The following DNAH11 variants were observed in gnomAD, a reference collection of about 807,000 sequenced individuals.
The protein encoded by DNAH11 is dynein axonemal heavy chain 11.
DNAH11 carries 442 observed loss-of-function variants against 526.0 expected under a neutral mutation model. The ratio of observed to expected loss-of-function variants is 0.84; its 90% CI spans 0.78 to 0.91. DNAH11 has a LOEUF of 0.91. DNAH11 is among the 40% of genes least tolerant of loss of function. The pLI, the probability that DNAH11 is intolerant of heterozygous loss-of-function variation, is 0.00. For missense variants in DNAH11, 6,989 were observed against 5,448.7 expected (o/e 1.28, Z -8.90); for synonymous variants, 2,461 against 1,935.9 (o/e 1.27, Z -7.12).
At chr7:21,694,339 T>G (rs1264960790) in intron 35 of DNAH11, among the ~76,000 whole-genome samples, 3 of 152,136 alleles carry the variant, frequency 2.0e-5, no homozygotes, top group African/African-American at 7.2e-5. Context: ...CCTAATGATC[T>G]CCCTCCTCTT....
rs1465584153 is a variant in DNAH11 at position 21,704,523 on chromosome 7, T to G, written c.6363T>G (p.Phe2121Leu). ...TTCTGGGCCTGGTCGGTGACCTGTT[T>G]CCAGCCCTGGATGTGCCCCGGAGGA... ...PVFLGLVGDL[F>L]PALDVPRRRK... The change falls in exon 38 of 82, where the codon TTT (phenylalanine) becomes TTG (leucine). Residue 2121 changes from phenylalanine (F) to leucine (L), a missense_variant. Phe to Leu is a conservative substitution (Grantham distance 22, BLOSUM62 0). Transcript: ENST00000409508. 3 of 1,613,782 alleles carry G rather than the reference T, an allele frequency of 1.9e-6. No homozygotes were observed. The highest frequency in any genetic ancestry group is 2.7e-5 in the African/African-American group (2 of 74,926).
In DNAH11 at chr7:21,619,151, C is replaced by G. The variant is rs183489539; in HGVS notation, c.4306C>G (p.Arg1436Gly). 2 of 1,613,452 alleles carry G rather than the reference C, an allele frequency of 1.2e-6. No homozygotes were observed. The highest frequency in any genetic ancestry group is 4.5e-5 in the East Asian group (2 of 44,866). Residue 1436 changes from arginine (R) to glycine (G), a missense_variant, in exon 24 of 82, where the codon CGG becomes GGG. Physicochemically the swap from Arg to Gly is moderately radical, Grantham distance 125. Coordinates refer to ENST00000409508, the MANE Select transcript of DNAH11 (RefSeq NM_001277115.2). ...AACTTTGGCAGATTTGTTAGCACTGCGGTTACACAGAGTGGAAGATGATGT... is the reference window on the plus strand; with the variant it reads ...AACTTTGGCAGATTTGTTAGCACTGGGGTTACACAGAGTGGAAGATGATGT... ...ATTLADLLALRLHRVEDDVRR... is the reference protein window; with the variant it reads ...ATTLADLLALGLHRVEDDVRR...
At chr7:21,655,499 C>G (rs527460182) in intron 28 of DNAH11, among the ~76,000 whole-genome samples, 2 of 152,248 alleles carry the variant, frequency 1.3e-5, no homozygotes, top group African/African-American at 4.8e-5. Flanking sequence ...TAAAACTTTA[C>G]TACAGAAGCC....
intron 55 of DNAH11, among the ~76,000 whole-genome samples, chr7:21,771,756 C>T (rs1787441981): frequency 6.6e-6 from 1 of 152,094 alleles, no homozygotes; most frequent in Admixed American, 6.5e-5. Context: ...ATATTCTCCC[C>T]TCACGTCTCT....
chr7:21,568,425 A>G (rs751280464), intron 6 of DNAH11, among the ~76,000 whole-genome samples: 37 of 152,296 alleles, frequency 2.4e-4, no homozygotes, highest in Non-Finnish European at 4.4e-4. Context: ...AGCTAAGGAA[A>G]TAGATCCTCT....
intron 25 of DNAH11, among the ~76,000 whole-genome samples, chr7:21,635,345 A>T (rs1786811382): frequency 6.6e-6 from 1 of 152,106 alleles, no homozygotes; most frequent in South Asian, 2.1e-4. Context: ...TTTAGTAGAG[A>T]CGGGGTTTTA....
At chr7:21,603,306 G>A (rs1039210098) in intron 18 of DNAH11, among the ~76,000 whole-genome samples, 3 of 152,066 alleles carry the variant, frequency 2.0e-5, no homozygotes, top group African/African-American at 4.8e-5. Flanking sequence ...TTATCCACTC[G>A]TCTGTCAATG....
intron 45 of DNAH11, among the ~76,000 whole-genome samples, chr7:21,730,960 A>G (rs894555417): frequency 3.3e-5 from 5 of 152,196 alleles, no homozygotes; most frequent in Non-Finnish European, 5.9e-5. Flanking sequence ...CCTGGCCAAC[A>G]TGGCGAAACC....
At chr7:21,782,285 C>T (rs973382130) in intron 57 of DNAH11, among the ~76,000 whole-genome samples, 1 of 152,190 alleles carries the variant, frequency 6.6e-6, no homozygotes, top group Admixed American at 6.5e-5. Flanking sequence ...GGGGAAAGCA[C>T]ACTCTCTAGG....
chr7:21,564,262 A>T lies in DNAH11; in HGVS notation c.1059A>T (p.Glu353Asp). The T allele has an allele frequency of 1.9e-6, 3 of 1,613,720 alleles. No homozygotes were observed. The highest frequency in any genetic ancestry group is 1.7e-4 in the Middle Eastern group (1 of 6,052). Residue 353 changes from glutamate to aspartate, a missense_variant, in exon 6 of 82, where the codon GAA becomes GAT. Glu to Asp is a conservative substitution (Grantham distance 45). Coordinates refer to ENST00000409508, the MANE Select transcript of DNAH11 (RefSeq NM_001277115.2). ...ACATCCAGTGTCTCCAGGAGACGGA[A>T]TTCCCACAGACACGCATATTAATCG... ...RRHIQCLQET[E>D]FPQTRILIAP...
At chr7:21,629,804 G>A (rs935914576) in intron 25 of DNAH11, among the ~76,000 whole-genome samples, 13 of 151,936 alleles carry the variant, frequency 8.6e-5, no homozygotes, top group African/African-American at 2.9e-4. Context: ...TTCAGTCTGT[G>A]TGTGTCTTTA....
chr7:21,787,627 G>A, intron 60 of DNAH11, 44 bp downstream of exon 60: 3 of 1,480,488 alleles, frequency 2.0e-6, no homozygotes, highest in Non-Finnish European at 2.7e-6. Flanking sequence ...CTCCACAAAG[G>A]GCTGCAAACA....
In DNAH11 at chr7:21,739,629, A is replaced by G; in HGVS notation, c.7870A>G (p.Met2624Val). ...EIHNCQYVAC[M>V]NPMVGSFTIN... ...CCATAACTGCCAGTATGTCGCCTGC[A>G]TGAATCCGATGGTGGGCAGCTTCAC... Residue 2624 changes from methionine (M) to valine (V), a missense_variant, in exon 48 of 82, where the codon ATG (methionine) becomes GTG (valine). Met to Val is a conservative substitution (Grantham distance 21, BLOSUM62 1). Transcript: ENST00000409508. 2 of 1,612,952 alleles carry G rather than the reference A, an allele frequency of 1.2e-6. No homozygotes were observed. The highest frequency in any genetic ancestry group is 1.1e-5 in the South Asian group (1 of 90,634).
At chr7:21,734,988 G>A (rs1013075294) in intron 45 of DNAH11, among the ~76,000 whole-genome samples, 9 of 151,778 alleles carry the variant, frequency 5.9e-5, no homozygotes, top group Admixed American at 3.3e-4. Context: ...GGCTAACAAG[G>A]TGAAACCCCA....
At chr7:21,894,836 C>G (rs377347714) in intron 78 of DNAH11, 31 bp downstream of exon 78, 2 of 1,611,560 alleles carry the variant, frequency 1.2e-6, no homozygotes, top group Non-Finnish European at 1.7e-6. Flanking sequence ...TAGTAGACTT[C>G]AGCACATTGG....
chr7:21,594,087 C>CAA lies in DNAH11; in HGVS notation c.2667+2511_2667+2512insAA, dbSNP rs1165060657. On this transcript the variant is annotated intron_variant, in intron 14 of 81. Coordinates refer to ENST00000409508, the MANE Select transcript of DNAH11 (RefSeq NM_001277115.2). Reference sequence around the variant, plus strand: ...ATACACACACACACACACACACACACACACACACACACTCTGAAGCCATCA... The same window carrying CAA: ...ATACACACACACACACACACACACACAAACACACACACACTCTGAAGCCATCA... 3.3e-5 allele frequency among the ~76,000 whole-genome samples: 5 copies of CAA among 151,040 alleles called. No homozygotes were observed. In the East Asian group the frequency reaches 9.8e-4, roughly 30 times the overall value.
At chr7:21,682,970 T>C (rs1783205061) in intron 31 of DNAH11, among the ~76,000 whole-genome samples, 1 of 152,214 alleles carries the variant, frequency 6.6e-6, no homozygotes, top group Non-Finnish European at 1.5e-5. Context: ...GAACTGTTTA[T>C]ATCTAACTAC....
chr7:21,806,838 C>G (rs1033028248), intron 62 of DNAH11, among the ~76,000 whole-genome samples: 1 of 152,112 alleles, frequency 6.6e-6, no homozygotes, highest in Non-Finnish European at 1.5e-5. Flanking sequence ...CATACTTAAC[C>G]TGTAAATCAG....
At chr7:21,856,649 G>A (rs878984068) in intron 68 of DNAH11, among the ~76,000 whole-genome samples, 1 of 152,134 alleles carries the variant, frequency 6.6e-6, no homozygotes, top group Admixed American at 6.5e-5. Context: ...CAAGTGGAAT[G>A]TATGCCAAGA....
Sources: gnomAD v4.1 joint callset for allele counts (sites outside exome capture counted in the v4.1 genomes callset) on GRCh38, gnomAD v4.1.1 for gene constraint, MANE v1.5 for transcripts, NCBI Gene and HGNC (gene_info 2026-07-23, HGNC 2026-07-21) for gene names.